CSRNP3: variants seen among roughly 807,000 people sequenced by gnomAD.
CSRNP3 encodes cysteine/serine-rich nuclear protein 3.
CSRNP3 carries 12 observed loss-of-function variants against 48.0 expected under a neutral mutation model. The ratio of observed to expected loss-of-function variants is 0.25; its 90% confidence interval spans 0.16 to 0.41. CSRNP3 has a LOEUF of 0.41. Ranked by LOEUF, CSRNP3 falls within the 10% of genes least tolerant of loss-of-function variation. The pLI is 1.00. For missense variants in CSRNP3, 580 were observed against 724.4 expected (o/e 0.80, Z 2.29); for synonymous variants, 263 against 269.7 (o/e 0.98, Z 0.24).
At chr2:165,565,290 T>C (rs1482012667) in intron 3 of CSRNP3, among the ~76,000 whole-genome samples, 1 of 152,122 alleles carries the variant, frequency 6.6e-6, no homozygotes, top group Non-Finnish European at 1.5e-5. Flanking sequence ...TAGAGTTTAT[T>C]GAGACTGTTA....
chr2:165,643,111 C>A (rs1686752212), intron 4 of CSRNP3, among the ~76,000 whole-genome samples: 1 of 152,024 alleles, frequency 6.6e-6, no homozygotes, highest in Non-Finnish European at 1.5e-5. Flanking sequence ...ACCTATAAAC[C>A]CCACTCATTC....
chr2:165,538,906 G>A (rs1684917236), intron 3 of CSRNP3, among the ~76,000 whole-genome samples: 1 of 151,764 alleles, frequency 6.6e-6, no homozygotes, highest in Admixed American at 6.6e-5. Flanking sequence ...TAAAAACTAT[G>A]TTTAACAATT....
rs924854069 is a variant in CSRNP3 at position 165,688,893 on chromosome 2, T to C, written c.*9140T>C. The C allele has an allele frequency of 1.3e-5, 2 of 152,202 alleles. No homozygotes were observed. Among genetic ancestry groups the C allele is most frequent in the South Asian group, 2.1e-4 (1 of 4,836 alleles). 9.4% of individuals were successfully genotyped at this position (152,202 alleles called of 1,614,324 possible). A position where few individuals can be genotyped will look rare whatever the true frequency, so the allele number is the denominator to read the frequency against. On this transcript the variant is annotated 3_prime_UTR_variant, in exon 7 of 7. Transcript: ENST00000651982. Reference sequence around the variant, plus strand: ...TTTATCTTTCAACTGATTTTTATTGTTACTTTTACTCAATATCAACAGTAC... The same window carrying C: ...TTTATCTTTCAACTGATTTTTATTGCTACTTTTACTCAATATCAACAGTAC...
chr2:165,574,397 G>A (rs1426586931), intron 3 of CSRNP3: 3 of 1,550,304 alleles, frequency 1.9e-6, no homozygotes, highest in East Asian at 2.4e-5. Context: ...AGATTTTACA[G>A]CGTGTGTGCC....
At chr2:165,676,167 C>G in intron 5 of CSRNP3, 145 bp from the exon 6 acceptor site, 1 of 689,986 alleles carries the variant, frequency 1.4e-6, no homozygotes, top group East Asian at 2.5e-5. Context: ...GTGATTTCTC[C>G]TAAAGATTAA....
intron 3 of CSRNP3, among the ~76,000 whole-genome samples, chr2:165,556,834 T>G (rs1685166514): frequency 6.6e-6 from 1 of 152,200 alleles, no homozygotes; most frequent in South Asian, 2.1e-4. Context: ...TTGTTTTGGC[T>G]TTTGAATAAA....
rs1328462459 is a variant in CSRNP3 at position 165,686,626 on chromosome 2, G to A, written c.*6873G>A. Reference sequence around the variant, plus strand: ...TTGTTGTTGTTTTTTAATTTATTTAGTGTTGATCCTTGAGTTATTTAATGG... The same window carrying A: ...TTGTTGTTGTTTTTTAATTTATTTAATGTTGATCCTTGAGTTATTTAATGG... On this transcript the variant is annotated 3_prime_UTR_variant, in exon 7 of 7. Transcript: ENST00000651982. The A allele has an allele frequency of 2.0e-5, 3 of 151,666 alleles. No individual in the cohort carries two copies. Among genetic ancestry groups the A allele is most frequent in the South Asian group, 4.2e-4 (2 of 4,818 alleles). The allele number at this position is 151,666 out of a possible 1,614,324, so 9.4% of individuals were successfully genotyped here. A position where few individuals can be genotyped will look rare whatever the true frequency, so the allele number is the denominator to read the frequency against.
chr2:165,574,672 C>A (rs1195833394), intron 3 of CSRNP3, among the ~76,000 whole-genome samples: 1 of 151,920 alleles, frequency 6.6e-6, no homozygotes, highest in Non-Finnish European at 1.5e-5. Flanking sequence ...AATTCCATTT[C>A]GGGGGTAAGT....
At chr2:165,668,027 A>G (rs1026542889) in intron 5 of CSRNP3, among the ~76,000 whole-genome samples, 1 of 152,214 alleles carries the variant, frequency 6.6e-6, no homozygotes, top group African/African-American at 2.4e-5. Flanking sequence ...TCAAGGTGCA[A>G]AGGATACACT....
intron 5 of CSRNP3, among the ~76,000 whole-genome samples, chr2:165,667,145 A>AAAGGAAGGAAGG (rs745443280): frequency 6.7e-6 from 1 of 148,240 alleles, no homozygotes; most frequent in Non-Finnish European, 1.5e-5. Flanking sequence ...GAGAGAGAGA[A>AAAGGAAGGAAGG]AAGGAAGGAA....
intron 4 of CSRNP3, among the ~76,000 whole-genome samples, chr2:165,624,959 G>A (rs1573926962): frequency 6.6e-6 from 1 of 152,192 alleles, no homozygotes; most frequent in Non-Finnish European, 1.5e-5. Flanking sequence ...GTCCCAGTCT[G>A]ACTGTGAAGC....
chr2:165,509,333 A>G (rs1684468894), intron 2 of CSRNP3, among the ~76,000 whole-genome samples: 1 of 152,196 alleles, frequency 6.6e-6, no homozygotes, highest in South Asian at 2.1e-4. Context: ...TATGTGGGGT[A>G]GGAGGAGGCT....
rs1364038374 is a variant in CSRNP3 at position 165,606,443 on chromosome 2, A to G, written c.148+11230A>G. On this transcript the variant is annotated intron_variant, in intron 4 of 6. Coordinates refer to ENST00000651982, the MANE Select transcript of CSRNP3 (RefSeq NM_001172173.2). ...AAAAAAGGCTAACACAATTATGAAC[A>G]GCTGTGTAACTCTATTAGGAACCAG... 5.3e-5 allele frequency among the ~76,000 whole-genome samples: 8 copies of G among 152,084 alleles called. No homozygotes were observed. In the South Asian group the frequency reaches 1.2e-3, roughly 24 times the overall value.
At chr2:165,542,018 T>C (rs1684964761) in intron 3 of CSRNP3, among the ~76,000 whole-genome samples, 1 of 152,316 alleles carries the variant, frequency 6.6e-6, no homozygotes, top group African/African-American at 2.4e-5. Flanking sequence ...GCACTGTCCA[T>C]GCTGAACAGT....
chr2:165,479,031 A>G (rs1354021019), intron 1 of CSRNP3, among the ~76,000 whole-genome samples: 1 of 152,206 alleles, frequency 6.6e-6, no homozygotes, highest in Non-Finnish European at 1.5e-5. Flanking sequence ...ATCCCAAAAA[A>G]TTCTCATTAA....
chr2:165,595,022 T>C, intron 3 of CSRNP3, 21 bp from the exon 4 acceptor site: 1 of 1,607,338 alleles, frequency 6.2e-7, no homozygotes, highest in South Asian at 1.1e-5. Flanking sequence ...CAATGCTCTG[T>C]TGCTCTCCTT....
At chr2:165,613,035 C>G (rs1411105546) in intron 4 of CSRNP3, among the ~76,000 whole-genome samples, 1 of 152,082 alleles carries the variant, frequency 6.6e-6, no homozygotes, top group Non-Finnish European at 1.5e-5. Flanking sequence ...ACATTCTTAC[C>G]AACAGTGTAT....
chr2:165,498,043 C>T (rs573672544), intron 2 of CSRNP3, among the ~76,000 whole-genome samples: 120 of 152,064 alleles, frequency 7.9e-4, no homozygotes, highest in Middle Eastern at 6.8e-3. Flanking sequence ...AATAGTGGGC[C>T]GAGAATTCAA....
At chr2:165,535,268 A>C (rs1684866500) in intron 3 of CSRNP3, among the ~76,000 whole-genome samples, 1 of 151,768 alleles carries the variant, frequency 6.6e-6, no homozygotes, top group Non-Finnish European at 1.5e-5. Context: ...AGCTTCATGA[A>C]AAGTAGTATG....
Sources: gnomAD v4.1 joint callset for allele counts (sites outside exome capture counted in the v4.1 genomes callset) on GRCh38, gnomAD v4.1.1 for gene constraint, MANE v1.5 for transcripts, NCBI Gene and HGNC (gene_info 2026-07-23, HGNC 2026-07-21) for gene names.